Variants in SEMA4F observed in about 807,000 individuals in gnomAD.
SEMA4F encodes semaphorin-4F.
In SEMA4F, 51 loss-of-function variants were observed where a neutral mutation model predicts 78.4. The ratio of observed to expected loss-of-function variants is 0.65; its 90% CI spans 0.52 to 0.82. SEMA4F has a LOEUF of 0.82. Ranked by LOEUF, SEMA4F falls within the 40% of genes least tolerant of loss-of-function variation. The pLI is 0.00. For synonymous variants in SEMA4F, 418 were observed against 408.7 expected, an observed-to-expected ratio of 1.02 and a Z score of -0.27; for missense variants, 938 against 1,014.4, an observed-to-expected ratio of 0.92 and a Z score of 1.02.
intron 4 of SEMA4F, among the ~76,000 whole-genome samples, chr2:74,659,185 A>G (rs1684309555): frequency 6.6e-6 from 1 of 152,138 alleles, no homozygotes; most frequent in South Asian, 2.1e-4. Context: ...ATTGAGGTCT[A>G]ATTTCCCTAC....
At chr2:74,663,550 T>G (rs1205150125) in intron 5 of SEMA4F, among the ~76,000 whole-genome samples, 1 of 152,204 alleles carries the variant, frequency 6.6e-6, no homozygotes, top group Non-Finnish European at 1.5e-5. Context: ...TGAAGCATAG[T>G]GCTAGTATCT....
At chr2:74,674,347 C>CT (rs758911623) in intron 7 of SEMA4F, 151 bp from the exon 8 acceptor site, 129 of 654,222 alleles carry the variant, frequency 2.0e-4, no homozygotes, top group Non-Finnish European at 3.2e-4. Context: ...CGCAGCTACT[C>CT]TGTGTGGCTC....
chr2:74,680,300 C>A lies in SEMA4F; in HGVS notation c.*91C>A. 1 of 1,421,460 alleles carries A rather than the reference C, an allele frequency of 7.0e-7. No individual in the cohort carries two copies. Among genetic ancestry groups the A allele is most frequent in the East Asian group, 2.3e-5 (1 of 43,334 alleles). 88.1% of individuals were successfully genotyped at this position (1,421,460 alleles called of 1,614,324 possible). ...GGTCACTGGGCCTGGAAGACCATCC[C>A]AGCCTCTGAGTTCTCTTTGAGTATG... On this transcript the variant is annotated 3_prime_UTR_variant, in exon 14 of 14. Coordinates refer to ENST00000357877, the MANE Select transcript of SEMA4F (RefSeq NM_004263.5).
the SEMA4F span, among the ~76,000 whole-genome samples, chr2:74,692,435 G>A: frequency 4.6e-5 from 7 of 152,274 alleles, no homozygotes; most frequent in East Asian, 1.4e-3. Flanking sequence ...ACAGGACCTG[G>A]TATGCTCTGC....
intron 12 of SEMA4F, among the ~76,000 whole-genome samples, chr2:74,676,744 C>T (rs1408697258): frequency 2.0e-5 from 3 of 152,214 alleles, no homozygotes; most frequent in African/African-American, 7.2e-5. Context: ...ACTCTAATAA[C>T]CTAATTGGTC....
chr2:74,679,467 C>G, intron 13 of SEMA4F, 132 bp from the exon 14 acceptor site: 1 of 1,481,380 alleles, frequency 6.8e-7, no homozygotes, highest in South Asian at 1.2e-5. Context: ...CGGGCCTTAG[C>G]CTCTTTAGGA....
At chr2:74,672,173 C>T (rs1685021559) in intron 5 of SEMA4F, among the ~76,000 whole-genome samples, 1 of 152,250 alleles carries the variant, frequency 6.6e-6, no homozygotes, top group Non-Finnish European at 1.5e-5. Flanking sequence ...ATCCCCACAC[C>T]TCCAGCTTCC....
chr2:74,662,288 A>G (rs1684465353), intron 4 of SEMA4F, among the ~76,000 whole-genome samples: 1 of 151,998 alleles, frequency 6.6e-6, no homozygotes, highest in East Asian at 1.9e-4. Context: ...ATCAGCCTGC[A>G]CTTTTCTTTG....
At position 74,658,099 on chromosome 2, in the gene SEMA4F, T is replaced by C; in HGVS notation, c.456+148T>C. 1.4e-6 allele frequency: 1 copy of C among 712,938 alleles called. No homozygotes were observed. Among genetic ancestry groups the C allele is most frequent in the Non-Finnish European group, 2.5e-6 (1 of 405,426 alleles). The allele number at this position is 712,938 out of a possible 1,614,324, so 44.2% of individuals were successfully genotyped here. A position where few individuals can be genotyped will look rare whatever the true frequency, so the allele number is the denominator to read the frequency against. Reference sequence around the variant, plus strand: ...ACCATTGTGCATGATAAGCATTGGGTGTAGGGGCTGTCCTCATGGGATGAG... The same window carrying C: ...ACCATTGTGCATGATAAGCATTGGGCGTAGGGGCTGTCCTCATGGGATGAG... On this transcript the variant is annotated intron_variant, in intron 4 of 13. Transcript: ENST00000357877. The surrounding 1 kb of genome is among the most constrained non-coding windows in gnomAD (Gnocchi z 4.3).
At chr2:74,663,448 C>T (rs891958497) in intron 5 of SEMA4F, among the ~76,000 whole-genome samples, 1 of 152,242 alleles carries the variant, frequency 6.6e-6, no homozygotes, top group Non-Finnish European at 1.5e-5. Context: ...ACCCTGTATT[C>T]GTCCATTTGT....
chr2:74,667,110 C>G (rs1031882067), intron 5 of SEMA4F, among the ~76,000 whole-genome samples: 4 of 152,110 alleles, frequency 2.6e-5, no homozygotes, highest in Admixed American at 6.6e-5. Context: ...GAAATTGTTT[C>G]TTCAAAACAT....
chr2:74,694,678 T>C, the SEMA4F span, among the ~76,000 whole-genome samples: 2 of 152,240 alleles, frequency 1.3e-5, no homozygotes, highest in East Asian at 1.9e-4. Context: ...AACAGCTCTG[T>C]GTTGCTATCT....
rs1684500586 is a variant in SEMA4F at position 74,662,919 on chromosome 2, A to C, written c.550+94A>C. On this transcript the variant is annotated intron_variant, in intron 5 of 13. Transcript: ENST00000357877. ...ATTTCTGTGTTCTTTCTTACCTTGG[A>C]ATGTCTATTATTCTCATGTCTCTTT... 46 of 1,094,514 alleles carry C rather than the reference A, an allele frequency of 4.2e-5. 1 individual carries two copies. The South Asian group carries it at 5.8e-4, about 14-fold the overall frequency. The allele number at this position is 1,094,514 out of a possible 1,614,324, so 67.8% of individuals were successfully genotyped here.
chr2:74,702,387 A>G, the SEMA4F span, among the ~76,000 whole-genome samples: 4 of 152,204 alleles, frequency 2.6e-5, no homozygotes, highest in Non-Finnish European at 4.4e-5. Flanking sequence ...GCTCATCAGC[A>G]TCTAATGAAG....
chr2:74,702,487 G>C, the SEMA4F span, among the ~76,000 whole-genome samples: 1 of 152,036 alleles, frequency 6.6e-6, no homozygotes, highest in African/African-American at 2.4e-5. Context: ...TGTTAGTATG[G>C]ACTTTGAACT....
At position 74,657,884 on chromosome 2, in the gene SEMA4F, C is replaced by A. The variant is rs1684236176; in HGVS notation, c.389C>A (p.Ala130Asp). The change falls in exon 4 of 14, where the codon GCC becomes GAC. Residue 130 changes from alanine (A) to aspartate (D), a missense_variant. By Grantham distance (126) the Ala-to-Asp change is moderately radical. Coordinates refer to ENST00000357877, the MANE Select transcript of SEMA4F (RefSeq NM_004263.5). Reference protein sequence around the residue: ...DECHNFVQILAIANASHLLTC... With the variant: ...DECHNFVQILDIANASHLLTC... ...TGTCACAATTTTGTCCAGATTCTCG[C>A]CATTGCCAATGCCTCTCACCTCCTC... 2 of 1,614,124 alleles carry A rather than the reference C, an allele frequency of 1.2e-6. No individual in the cohort carries two copies. The highest frequency in any genetic ancestry group is 2.2e-5 in the South Asian group (2 of 91,090).
At chr2:74,696,614 G>T in the SEMA4F span, among the ~76,000 whole-genome samples, 3 of 152,108 alleles carry the variant, frequency 2.0e-5, no homozygotes, top group Non-Finnish European at 2.9e-5. Flanking sequence ...TGGGTTCAGT[G>T]TACACTGCTC....
chr2:74,656,822 C>G, intron 2 of SEMA4F, 137 bp downstream of exon 2: 5 of 888,538 alleles, frequency 5.6e-6, no homozygotes, highest in South Asian at 1.8e-5. Flanking sequence ...AGTTGGGAGA[C>G]ATGGGGGGAG....
downstream of SEMA4F, among the ~76,000 whole-genome samples, chr2:74,684,534 GT>G (rs1251201667): frequency 2.0e-5 from 3 of 152,126 alleles, no homozygotes. Flanking sequence ...GGCACCTAAA[GT>G]TTTTGTCTAG....
Sources: allele counts gnomAD v4.1 joint callset (sites outside exome capture counted in the v4.1 genomes callset), GRCh38; gene constraint gnomAD v4.1.1; non-coding constraint Gnocchi (gnomAD v3.1); transcripts MANE v1.5; gene names NCBI Gene and HGNC (gene_info 2026-07-23, HGNC 2026-07-21).